The following PKHD1L1 variants were observed in gnomAD, a reference collection of about 807,000 sequenced individuals.
PKHD1L1 encodes fibrocystin-L.
A neutral mutation model predicts 462.9 loss-of-function variants in PKHD1L1; 434 were observed. The ratio of observed to expected loss-of-function variants is 0.94; its 90% CI spans 0.87 to 1.02. The LOEUF is 1.02. Ranked by LOEUF, PKHD1L1 falls within the 50% of genes least tolerant of loss-of-function variation. The probability of loss-of-function intolerance (pLI) is 0.00; values close to 1 mark genes in which losing one functional copy is unlikely to be tolerated. For synonymous variants in PKHD1L1, 1,781 were observed against 1,750.0 expected (o/e 1.02, Z -0.44); for missense variants, 5,202 against 5,096.1 (o/e 1.02, Z -0.63).
At chr8:109,422,795 A>AT (rs1443952705) in intron 23 of PKHD1L1, among the ~76,000 whole-genome samples, 5 of 151,810 alleles carry the variant, frequency 3.3e-5, no homozygotes, top group Admixed American at 6.6e-5. Context: ...AAACTACCAT[A>AT]TTTTTTTTCT....
intron 45 of PKHD1L1, among the ~76,000 whole-genome samples, chr8:109,455,687 A>C (rs1313064964): frequency 6.6e-6 from 1 of 152,182 alleles, no homozygotes; most frequent in African/African-American, 2.4e-5. Context: ...AATGATTTTG[A>C]TCATGTTTGA....
At chr8:109,385,041 A>G (rs1812364437) in intron 5 of PKHD1L1, among the ~76,000 whole-genome samples, 1 of 151,762 alleles carries the variant, frequency 6.6e-6, no homozygotes, top group Non-Finnish European at 1.5e-5. Flanking sequence ...ACAACCTTTT[A>G]TTTTTATTAT....
At chr8:109,366,368 A>G (rs1423259257) in intron 2 of PKHD1L1, among the ~76,000 whole-genome samples, 2 of 152,190 alleles carry the variant, frequency 1.3e-5, no homozygotes, top group East Asian at 1.9e-4. Context: ...GTGTTCTCAT[A>G]TGTCTTTCTC....
intron 68 of PKHD1L1, among the ~76,000 whole-genome samples, chr8:109,506,335 C>T (rs1346828357): frequency 6.6e-6 from 1 of 152,124 alleles, no homozygotes; most frequent in East Asian, 1.9e-4. Context: ...CTCCCACCAG[C>T]CTGCAGTCCC....
chr8:109,454,563 C>T (rs1364464757), intron 44 of PKHD1L1, among the ~76,000 whole-genome samples, 160 bp from the exon 45 acceptor site: 6 of 151,998 alleles, frequency 3.9e-5, no homozygotes, highest in Admixed American at 2.6e-4. Flanking sequence ...ATTTGGCTGA[C>T]TAGAAAATTA....
At chr8:109,515,902 C>T (rs1364932656) in intron 72 of PKHD1L1, among the ~76,000 whole-genome samples, 1 of 152,114 alleles carries the variant, frequency 6.6e-6, no homozygotes, top group East Asian at 1.9e-4. Flanking sequence ...ACATTCCATT[C>T]CACATGGGCT....
intron 59 of PKHD1L1, among the ~76,000 whole-genome samples, chr8:109,488,244 CT>C (rs2130911089): frequency 6.6e-6 from 1 of 152,020 alleles, no homozygotes; most frequent in South Asian, 2.1e-4. Context: ...CCCAAGCATC[CT>C]CCAAAGGTGA....
chr8:109,520,573 A>G lies in PKHD1L1; in HGVS notation c.12032-1613A>G, dbSNP rs1820496882. ...GGGACAGGCTAATGGCACATTTTCT[A>G]GACATAGACTGCGATAGTGTTTCAA... On this transcript the variant is annotated intron_variant, in intron 73 of 77. Transcript: ENST00000378402. Among the ~76,000 whole-genome samples, 3 of 152,156 alleles carry G rather than the reference A, an allele frequency of 2.0e-5. No individual in the cohort carries two copies. The South Asian group carries it at 6.2e-4, about 32-fold the overall frequency.
chr8:109,531,693 T>A lies in PKHD1L1; in HGVS notation c.*1603T>A, dbSNP rs1821045511. On this transcript the variant is annotated 3_prime_UTR_variant, in exon 78 of 78. Transcript: ENST00000378402. ...TTTTAAGGGAATTGCAGGTAAGAGG[T>A]CCCTGACAAGGTAGTCTTCAAAGTA... is the stretch of plus-strand genomic sequence containing the variant. 6.6e-6 allele frequency among the ~76,000 whole-genome samples: 1 copy of A among 152,078 alleles called. No homozygotes were observed. Among genetic ancestry groups the A allele is most frequent in the Admixed American group, 6.5e-5 (1 of 15,270 alleles).
intron 77 of PKHD1L1, 149 bp downstream of exon 77, chr8:109,527,169 A>G: frequency 2.8e-6 from 2 of 716,466 alleles, no homozygotes; most frequent in South Asian, 1.9e-5. Context: ...AAGACAACCT[A>G]TGGAAAATGT....
chr8:109,489,819 C>A, intron 59 of PKHD1L1, 133 bp from the exon 60 acceptor site: 1 of 647,670 alleles, frequency 1.5e-6, no homozygotes, highest in Non-Finnish European at 2.8e-6. Context: ...AGAAATACTA[C>A]CTCTTCTGGA....
intron 21 of PKHD1L1, among the ~76,000 whole-genome samples, chr8:109,416,933 C>T (rs1586467098): frequency 6.6e-6 from 1 of 152,048 alleles, no homozygotes; most frequent in Non-Finnish European, 1.5e-5. Flanking sequence ...TGCCTATCGC[C>T]CTTATGCTAT....
At chr8:109,379,787 A>G (rs1812017795) in intron 2 of PKHD1L1, among the ~76,000 whole-genome samples, 1 of 152,232 alleles carries the variant, frequency 6.6e-6, no homozygotes, top group Admixed American at 6.5e-5. Context: ...AACTACCACC[A>G]TGGTCTACTC....
At chr8:109,386,519 TA>T (rs1812451669) in intron 6 of PKHD1L1, among the ~76,000 whole-genome samples, 2 of 152,208 alleles carry the variant, frequency 1.3e-5, no homozygotes, top group Non-Finnish European at 2.9e-5. Flanking sequence ...ACAAGCAATT[TA>T]AAAGGTTTTA....
At position 109,486,768 on chromosome 8, in the gene PKHD1L1, T is replaced by C; in HGVS notation, c.9827T>C (p.Phe3276Ser). 1 of 1,612,510 alleles carries C rather than the reference T, an allele frequency of 6.2e-7. No homozygotes were observed. The highest frequency in any genetic ancestry group is 8.5e-7 in the Non-Finnish European group (1 of 1,178,888). The part of the protein sequence containing the change: ...EDYPGWSEDS[F>S]GARVLVGSFT... ...TACCCCGGTTGGTCTGAGGACTCTT[T>C]TGGAGCACGCGTACTGGTTGGCTCA... The change falls in exon 59 of 78, where the codon TTT (phenylalanine) becomes TCT (serine). Residue 3276 changes from phenylalanine to serine, a missense_variant. This residue lies in a region of PKHD1L1 where 4,497 missense variants were observed against 4,336.8 expected (regional missense o/e 1.04). Coordinates refer to ENST00000378402, the MANE Select transcript of PKHD1L1 (RefSeq NM_177531.6).
At chr8:109,519,197 C>T (rs959588554) in intron 73 of PKHD1L1, among the ~76,000 whole-genome samples, 1 of 151,984 alleles carries the variant, frequency 6.6e-6, no homozygotes. Flanking sequence ...AGCCATCATC[C>T]CCTCTCTGTG....
chr8:109,459,321 T>C (rs1274548734), intron 46 of PKHD1L1, among the ~76,000 whole-genome samples: 5 of 152,144 alleles, frequency 3.3e-5, no homozygotes, highest in Non-Finnish European at 7.4e-5. Context: ...AAGTTATAAA[T>C]GAATAGTTTT....
intron 2 of PKHD1L1, among the ~76,000 whole-genome samples, chr8:109,365,417 C>A (rs1334272900): frequency 1.3e-5 from 2 of 152,026 alleles, no homozygotes; most frequent in African/African-American, 4.8e-5. Flanking sequence ...TTTAATGTTT[C>A]TAATATTTCT....
rs1474041682 is a variant in PKHD1L1, at chr8:109,459,638, T to C, written c.7048T>C (p.Ser2350Pro). 2 of 1,594,864 alleles carry C rather than the reference T, an allele frequency of 1.3e-6. No individual in the cohort carries two copies. Among genetic ancestry groups the C allele is most frequent in the Non-Finnish European group, 1.7e-6 (2 of 1,169,566 alleles). Residue 2350 changes from serine (S) to proline (P), a missense_variant, in exon 47 of 78, where the codon TCT becomes CCT. Ser to Pro is a moderately conservative substitution (Grantham distance 74). Transcript: ENST00000378402. ...ENEKMTIASVSADGINITLSN... is the reference protein window; with the variant it reads ...ENEKMTIASVPADGINITLSN... The stretch of plus-strand genomic sequence containing the variant: ...TGAAAAAATGACCATTGCATCTGTG[T>C]CTGCTGATGGCATAAACATAACACT...
Sources: gnomAD v4.1 joint callset for allele counts (sites outside exome capture counted in the v4.1 genomes callset) on GRCh38, gnomAD v4.1.1 for gene constraint, gnomAD v4.1.1 regional missense constraint, MANE v1.5 for transcripts, NCBI Gene and HGNC (gene_info 2026-07-23, HGNC 2026-07-21) for gene names.